SLC35F3: variants seen among roughly 807,000 people sequenced by gnomAD.
The protein encoded by SLC35F3 is solute carrier family 35 member F3, also known as putative thiamine transporter SLC35F3.
Under a neutral mutation model 49.9 loss-of-function variants are expected in SLC35F3, and 25 were observed. That is an observed-to-expected ratio of 0.50 (90% confidence interval 0.37 to 0.70). The LOEUF (loss-of-function observed/expected upper bound fraction) is 0.70, where lower values mean the gene tolerates loss of function less well. Ranked by LOEUF, SLC35F3 falls within the 30% of genes least tolerant of loss-of-function variation. SLC35F3 has a pLI of 0.00. For missense variants in SLC35F3, 525 were observed against 639.8 expected, an observed-to-expected ratio of 0.82 and a Z score of 1.94; for synonymous variants, 275 against 265.4, an observed-to-expected ratio of 1.04 and a Z score of -0.35.
intron 2 of SLC35F3, among the ~76,000 whole-genome samples, chr1:234,062,515 T>G (rs949635854): frequency 1.3e-5 from 2 of 152,234 alleles, no homozygotes; most frequent in African/African-American, 4.8e-5. Context: ...TGGACCTCTC[T>G]GACAAACTAG....
intron 2 of SLC35F3, among the ~76,000 whole-genome samples, chr1:234,229,963 T>C (rs1480039478): frequency 6.6e-6 from 1 of 152,220 alleles, no homozygotes; most frequent in Non-Finnish European, 1.5e-5. Flanking sequence ...CTTTCTGCCC[T>C]GCAGCCCATG....
chr1:233,933,740 C>T (rs1184009111), intron 2 of SLC35F3, among the ~76,000 whole-genome samples: 1 of 152,166 alleles, frequency 6.6e-6, no homozygotes, highest in East Asian at 1.9e-4. Context: ...ACTGAGGAGG[C>T]TGAGGCAGGA....
intron 2 of SLC35F3, among the ~76,000 whole-genome samples, chr1:234,126,188 A>T (rs1392070860): frequency 3.3e-5 from 5 of 152,124 alleles, no homozygotes; most frequent in Non-Finnish European, 7.4e-5. Flanking sequence ...TTTCAGATTC[A>T]CGCATCTCTC....
intron 2 of SLC35F3, among the ~76,000 whole-genome samples, chr1:234,085,957 T>C (rs1007071444): frequency 6.6e-6 from 1 of 152,252 alleles, no homozygotes; most frequent in Admixed American, 6.5e-5. Context: ...ATACCCTGTC[T>C]TGTATGTCAA....
chr1:233,919,929 A>C (rs911972694), intron 2 of SLC35F3, among the ~76,000 whole-genome samples: 2 of 152,098 alleles, frequency 1.3e-5, no homozygotes, highest in South Asian at 4.1e-4. Flanking sequence ...CTCGCTCTGT[A>C]CTCCGGCCTC....
chr1:234,315,447 A>G (rs1165536567), intron 4 of SLC35F3, among the ~76,000 whole-genome samples: 2 of 152,232 alleles, frequency 1.3e-5, no homozygotes, highest in East Asian at 3.8e-4. Context: ...CAACTTTGCA[A>G]TTAGGCAGAC....
chr1:234,290,225 A>G (rs909664286), intron 3 of SLC35F3, among the ~76,000 whole-genome samples: 2 of 152,242 alleles, frequency 1.3e-5, no homozygotes, highest in African/African-American at 4.8e-5. Context: ...TTAAGAGATG[A>G]TAAGAAGCTG....
chr1:234,110,287 C>T (rs1257644587), intron 2 of SLC35F3, among the ~76,000 whole-genome samples: 1 of 152,164 alleles, frequency 6.6e-6, no homozygotes, highest in African/African-American at 2.4e-5. Flanking sequence ...AAGGGGATGA[C>T]ACTTAGAGAC....
chr1:234,053,346 G>T (rs1270226201), intron 2 of SLC35F3, among the ~76,000 whole-genome samples: 1 of 152,162 alleles, frequency 6.6e-6, no homozygotes, highest in Non-Finnish European at 1.5e-5. Flanking sequence ...TATATATTTA[G>T]GATAGTTAGC....
At chr1:234,202,891 G>C (rs1451781077) in intron 2 of SLC35F3, among the ~76,000 whole-genome samples, 2 of 152,244 alleles carry the variant, frequency 1.3e-5, no homozygotes, top group Admixed American at 1.3e-4. Context: ...TAAAGAAGCA[G>C]CAGGAAGAAA....
intron 2 of SLC35F3, among the ~76,000 whole-genome samples, chr1:233,942,565 C>T (rs187258733): frequency 0.01 from 1,563 of 152,078 alleles, 35 homozygotes; most frequent in Admixed American, 0.032. Flanking sequence ...GGTGTGCTGC[C>T]AGCACACCTG....
intron 2 of SLC35F3, among the ~76,000 whole-genome samples, chr1:233,979,168 A>T (rs1021129285): frequency 1.3e-5 from 2 of 152,182 alleles, no homozygotes; most frequent in African/African-American, 2.4e-5. Flanking sequence ...GAAGACTTGA[A>T]TTTCAATTCT....
chr1:234,136,982 T>C (rs1243187232), intron 2 of SLC35F3, among the ~76,000 whole-genome samples: 2 of 152,216 alleles, frequency 1.3e-5, no homozygotes, highest in Non-Finnish European at 2.9e-5. Flanking sequence ...CAAATATTTA[T>C]TGGGGCCCTA....
rs928146409 is a variant in SLC35F3, at chr1:234,145,998, T to G, written c.284-85419T>G. Among the ~76,000 whole-genome samples the G allele has an allele frequency of 8.5e-5, 13 of 152,310 alleles. No homozygotes were observed. In the East Asian group the frequency reaches 2.5e-3, roughly 29 times the overall value. On this transcript the variant is annotated intron_variant, in intron 2 of 7. Coordinates refer to ENST00000366618, the MANE Select transcript of SLC35F3 (RefSeq NM_173508.4). ...TTTTTCAACTTTTAACTTTCAACCT[T>G]TTTACATCATTTTTGTTTTAATTGA... is the stretch of plus-strand genomic sequence containing the variant.
Position 233,949,545 on chromosome 1 carries a change from A to T in SLC35F3, c.283+43787A>T, listed in dbSNP as rs534286412. Among the ~76,000 whole-genome samples, 4 of 152,322 alleles carry T rather than the reference A, an allele frequency of 2.6e-5. No homozygotes were observed. The South Asian group carries it at 8.3e-4, about 32-fold the overall frequency. ...AAAGTCAGTTCTGTTTCCAGCTGGG[A>T]GATCACCATGGCTGGTGGATGGATC... On this transcript the variant is annotated intron_variant, in intron 2 of 7. Transcript: ENST00000366618.
chr1:233,978,284 A>G (rs943849385), intron 2 of SLC35F3, among the ~76,000 whole-genome samples: 4 of 152,220 alleles, frequency 2.6e-5, no homozygotes, highest in Non-Finnish European at 2.9e-5. Flanking sequence ...TACATTGTTC[A>G]TGCCACACTG....
intron 2 of SLC35F3, among the ~76,000 whole-genome samples, chr1:234,167,902 G>A (rs773874358): frequency 2.4e-4 from 37 of 152,200 alleles, no homozygotes; most frequent in Admixed American, 7.2e-4. Flanking sequence ...TGAGGTTGGC[G>A]CACTTTCTGG....
chr1:234,292,368 C>T (rs1021949049), intron 3 of SLC35F3, among the ~76,000 whole-genome samples: 19 of 152,336 alleles, frequency 1.2e-4, no homozygotes, highest in African/African-American at 1.9e-4. Flanking sequence ...CCACTTATGC[C>T]TAGTGTTCCA....
At position 233,914,405 on chromosome 1, in the gene SLC35F3, A is replaced by T. The variant is rs569841558; in HGVS notation, c.283+8647A>T. ...CCATGCTGGGGCCTGTTTCCCTCCT[A>T]CATCAATGTCTTGCTGCAGCTCCTC... On this transcript the variant is annotated intron_variant, in intron 2 of 7. Coordinates refer to ENST00000366618, the MANE Select transcript of SLC35F3 (RefSeq NM_173508.4). Among the ~76,000 whole-genome samples, 11 of 152,184 alleles carry T rather than the reference A, an allele frequency of 7.2e-5. No individual in the cohort carries two copies. The South Asian group carries it at 1.2e-3, about 17-fold the overall frequency.
Sources: allele counts gnomAD v4.1 joint callset (sites outside exome capture counted in the v4.1 genomes callset), GRCh38; gene constraint gnomAD v4.1.1; transcripts MANE v1.5; gene names NCBI Gene and HGNC (gene_info 2026-07-23, HGNC 2026-07-21).